Variants in DCC observed in about 807,000 individuals in gnomAD.
DCC encodes the protein netrin receptor DCC.
In DCC, 58 loss-of-function variants were observed where a neutral mutation model predicts 172.5. The ratio of observed to expected loss-of-function variants is 0.34; its 90% CI spans 0.27 to 0.42. The LOEUF is 0.42. DCC is among the 10% of genes least tolerant of loss of function. The pLI, the probability that DCC is intolerant of heterozygous loss-of-function variation, is 1.00. For missense variants in DCC, 1,740 were observed against 1,791.0 expected (o/e 0.97, Z 0.51); for synonymous variants, 709 against 644.5 (o/e 1.10, Z -1.52).
chr18:53,073,438 T>A (rs1053371501), intron 7 of DCC, among the ~76,000 whole-genome samples: 1 of 151,974 alleles, frequency 6.6e-6, no homozygotes, highest in Admixed American at 6.6e-5. Flanking sequence ...GGCAGGAGAA[T>A]GGTATGAAAC....
chr18:52,919,258 C>T (rs1598929768), intron 3 of DCC, among the ~76,000 whole-genome samples: 1 of 152,312 alleles, frequency 6.6e-6, no homozygotes, highest in South Asian at 2.1e-4. Context: ...AAGCAAGATA[C>T]AAGGCCAGGC....
chr18:53,192,458 G>A (rs1399496613), intron 9 of DCC, among the ~76,000 whole-genome samples: 1 of 152,036 alleles, frequency 6.6e-6, no homozygotes, highest in Non-Finnish European at 1.5e-5. Flanking sequence ...AAATTATTTT[G>A]AGTCCCTAAA....
intron 2 of DCC, among the ~76,000 whole-genome samples, chr18:52,883,389 TGTGA>T (rs774789271): frequency 0.029 from 2,420 of 84,246 alleles, 39 homozygotes; most frequent in African/African-American, 0.049. Context: ...TGTGTGTGTG[TGTGA>T]GATCTCTTTC....
intron 1 of DCC, among the ~76,000 whole-genome samples, chr18:52,566,356 C>T (rs762415377): frequency 5.0e-4 from 76 of 151,816 alleles, no homozygotes; most frequent in Non-Finnish European, 9.4e-4. Flanking sequence ...CATCACACGC[C>T]GGGGCCTATC....
intron 1 of DCC, among the ~76,000 whole-genome samples, chr18:52,403,195 C>T (rs890681181): frequency 2.6e-5 from 4 of 152,014 alleles, no homozygotes; most frequent in Non-Finnish European, 5.9e-5. Flanking sequence ...TTTTAAGAAA[C>T]ATCTCTACAA....
At chr18:53,291,970 A>G (rs1156767499) in intron 12 of DCC, among the ~76,000 whole-genome samples, 1 of 152,192 alleles carries the variant, frequency 6.6e-6, no homozygotes, top group South Asian at 2.1e-4. Context: ...CCTAGAAGAA[A>G]CAAGCCTGGC....
chr18:52,852,169 G>A (rs1410147489), intron 2 of DCC, among the ~76,000 whole-genome samples: 3 of 151,946 alleles, frequency 2.0e-5, no homozygotes, highest in South Asian at 2.1e-4. Context: ...AGGCTTAAAG[G>A]CATATCAAGA....
chr18:53,060,783 T>C (rs1294211023), intron 5 of DCC, among the ~76,000 whole-genome samples: 2 of 152,118 alleles, frequency 1.3e-5, no homozygotes, highest in African/African-American at 4.8e-5. Flanking sequence ...CAACCCCAAG[T>C]TGGAAAAACA....
chr18:52,552,598 C>A (rs1261178773), intron 1 of DCC, among the ~76,000 whole-genome samples: 1 of 151,942 alleles, frequency 6.6e-6, no homozygotes, highest in African/African-American at 2.4e-5. Context: ...AAGCATCTAG[C>A]AAGATTCAGT....
chr18:53,463,888 T>C (rs1479128666), intron 24 of DCC, among the ~76,000 whole-genome samples: 2 of 152,196 alleles, frequency 1.3e-5, no homozygotes, highest in Non-Finnish European at 2.9e-5. Context: ...GAAAAGAGAA[T>C]TGAATCAAGC....
intron 1 of DCC, among the ~76,000 whole-genome samples, chr18:52,348,222 T>A (rs946868562): frequency 6.6e-6 from 1 of 152,194 alleles, no homozygotes; most frequent in Non-Finnish European, 1.5e-5. Flanking sequence ...GTTTATCTAA[T>A]CTATTGTTGA....
chr18:52,771,965 T>C (rs2037352320), intron 2 of DCC, among the ~76,000 whole-genome samples: 1 of 152,108 alleles, frequency 6.6e-6, no homozygotes. Flanking sequence ...GATTCTAATA[T>C]ATACCAAAGT....
chr18:53,190,458 C>CTGTG (rs67103778), intron 9 of DCC, among the ~76,000 whole-genome samples: 2,118 of 146,326 alleles, frequency 0.014, 27 homozygotes, highest in African/African-American at 0.034. Flanking sequence ...ACTGCTAACT[C>CTGTG]TGTGTGTGTG....
intron 2 of DCC, among the ~76,000 whole-genome samples, chr18:52,802,870 C>G (rs934031228): frequency 6.6e-6 from 1 of 151,690 alleles, no homozygotes; most frequent in African/African-American, 2.4e-5. Flanking sequence ...CTAGCATAAA[C>G]AGTTGATTAA....
chr18:53,213,701 A>G (rs1434837434), intron 11 of DCC, among the ~76,000 whole-genome samples: 1 of 150,132 alleles, frequency 6.7e-6, no homozygotes, highest in East Asian at 2.0e-4. Context: ...ACTTAATATT[A>G]AGACATTATT....
At chr18:52,814,404 G>A (rs1157449557) in intron 2 of DCC, among the ~76,000 whole-genome samples, 1 of 152,198 alleles carries the variant, frequency 6.6e-6, no homozygotes, top group Non-Finnish European at 1.5e-5. Context: ...GAGCTTAGGT[G>A]CAGTCTCTCC....
At chr18:52,783,172 T>C (rs886576613) in intron 2 of DCC, among the ~76,000 whole-genome samples, 1 of 152,030 alleles carries the variant, frequency 6.6e-6, no homozygotes, top group Non-Finnish European at 1.5e-5. Context: ...AGAAATTCAA[T>C]TTATATAAGC....
chr18:52,871,016 C>T (rs993970438), intron 2 of DCC, among the ~76,000 whole-genome samples: 8 of 152,108 alleles, frequency 5.3e-5, no homozygotes, highest in East Asian at 1.9e-4. Flanking sequence ...ATAGGCCTCC[C>T]GGGATTGGAC....
At chr18:53,505,583 A>G (rs1040716595) in intron 27 of DCC, among the ~76,000 whole-genome samples, 4 of 152,214 alleles carry the variant, frequency 2.6e-5, no homozygotes, top group Non-Finnish European at 5.9e-5. Context: ...TTGTTAGACC[A>G]TATATGAAAC....
Sources: gnomAD v4.1 joint callset for allele counts (sites outside exome capture counted in the v4.1 genomes callset) on GRCh38, gnomAD v4.1.1 for gene constraint, MANE v1.5 for transcripts, NCBI Gene and HGNC (gene_info 2026-07-23, HGNC 2026-07-21) for gene names.